Variants in ZKSCAN2 observed in about 807,000 individuals in gnomAD.
ZKSCAN2 encodes zinc finger with KRAB and SCAN domains 2.
A neutral mutation model predicts 90.5 loss-of-function variants in ZKSCAN2; 38 were observed. The observed-to-expected ratio is 0.42, with a 90% CI of 0.32 to 0.55. The LOEUF is 0.55. Among genes scored for constraint, ZKSCAN2 ranks in the 20% least tolerant of loss-of-function variants. The pLI is 0.11. For missense variants in ZKSCAN2, 1,167 were observed against 1,202.6 expected (o/e 0.97, Z 0.44); for synonymous variants, 429 against 421.6 (o/e 1.02, Z -0.22).
Position 25,244,089 on chromosome 16 carries a change from C to G in ZKSCAN2, c.1677G>C (p.Lys559Asn). Residue 559 changes from lysine to asparagine, a missense_variant, in exon 6 of 7, where the codon AAG becomes AAC. Coordinates refer to ENST00000328086, the MANE Select transcript of ZKSCAN2 (RefSeq NM_001012981.5). ...GGCCATTTTTCACCTTGCGGTAACT[C>G]TTCTGAAGGCTTTTGAACTTGGTTC... ...QCRTKFKSLQKSYRKVKNGHV... is the reference protein window; with the variant it reads ...QCRTKFKSLQNSYRKVKNGHV... 6.2e-7 allele frequency: 1 copy of G among 1,614,194 alleles called. No individual in the cohort carries two copies. Among genetic ancestry groups the G allele is most frequent in the Non-Finnish European group, 8.5e-7 (1 of 1,180,032 alleles).
rs563592710 is a variant in ZKSCAN2 at position 25,257,430 on chromosome 16, TG to T, written c.-304del. The T allele has an allele frequency of 1.4e-4, 157 of 1,091,986 alleles. No homozygotes were observed. The African/African-American group carries it at 2.3e-3, about 16-fold the overall frequency. The allele number at this position is 1,091,986 out of a possible 1,614,324, so 67.6% of individuals were successfully genotyped here. ...GTCGGAAACCGGGAGGCTGGACGAC[TG>T]GGAGAAAAATGAAGCAGGCTGAGGA... On this transcript the variant is annotated 5_prime_UTR_variant, in exon 1 of 7. Transcript: ENST00000328086.
chr16:25,253,368 A>G (rs1228938849), intron 2 of ZKSCAN2, among the ~76,000 whole-genome samples: 3 of 151,240 alleles, frequency 2.0e-5, no homozygotes, highest in Non-Finnish European at 4.4e-5. Flanking sequence ...TGGCTGTGGT[A>G]CCTTCCCTCC....
chr16:25,251,791 G>T, intron 4 of ZKSCAN2, 118 bp downstream of exon 4: 1 of 1,252,928 alleles, frequency 8.0e-7, no homozygotes, highest in Non-Finnish European at 1.1e-6. Context: ...GATTACACTA[G>T]ACAATCCTTA....
rs1962949906 is a variant in ZKSCAN2 at position 25,247,340 on chromosome 16, C to T, written c.856G>A (p.Glu286Lys). 4.3e-6 allele frequency: 7 copies of T among 1,612,986 alleles called. No homozygotes were observed. In the South Asian group the frequency reaches 7.7e-5, roughly 18 times the overall value. ...NKITRLEQRK[E>K]PWTLGLHSSN... is the part of the protein sequence containing the mutation. The stretch of plus-strand genomic sequence containing the variant: ...GAATGCAGACCTAGAGTCCATGGCT[C>T]CTTTCTCTGTTCCAACCGGGTTATC... Residue 286 changes from glutamate to lysine, a missense_variant, in exon 5 of 7, where the codon GAG becomes AAG. Physicochemically the swap from Glu to Lys is moderately conservative, Grantham distance 56 (BLOSUM62 1). Coordinates refer to ENST00000328086, the MANE Select transcript of ZKSCAN2 (RefSeq NM_001012981.5).
In ZKSCAN2 at chr16:25,246,816, C is replaced by G; in HGVS notation, c.1380G>C (p.Leu460Phe). ...CTTCTGCAGCTTCCTCCTCCTCCACCAAGCTGATGTGTTCCTTAGCACTGA... is the reference window on the plus strand; with the variant it reads ...CTTCTGCAGCTTCCTCCTCCTCCACGAAGCTGATGTGTTCCTTAGCACTGA... ...IAISAKEHISLVEEEEAAEDS... is the reference protein window; with the variant it reads ...IAISAKEHISFVEEEEAAEDS... Residue 460 changes from leucine to phenylalanine, a missense_variant, in exon 5 of 7, where the codon TTG becomes TTC. Transcript: ENST00000328086. 6.2e-7 allele frequency: 1 copy of G among 1,614,198 alleles called. No individual in the cohort carries two copies. Among genetic ancestry groups the G allele is most frequent in the Non-Finnish European group, 8.5e-7 (1 of 1,180,028 alleles).
intron 4 of ZKSCAN2, among the ~76,000 whole-genome samples, chr16:25,249,001 GA>G (rs1327293485): frequency 6.6e-6 from 1 of 152,170 alleles, no homozygotes; most frequent in Non-Finnish European, 1.5e-5. Flanking sequence ...CGAACATGGA[GA>G]ACATTATGTT....
chr16:25,249,843 C>T (rs1001395685), intron 4 of ZKSCAN2, among the ~76,000 whole-genome samples: 2 of 152,178 alleles, frequency 1.3e-5, no homozygotes, highest in Non-Finnish European at 2.9e-5. Flanking sequence ...ACTTATGGTA[C>T]ATATCCCAAG....
intron 1 of ZKSCAN2, among the ~76,000 whole-genome samples, chr16:25,255,637 A>C (rs1462733398): frequency 6.6e-6 from 1 of 152,166 alleles, no homozygotes; most frequent in East Asian, 1.9e-4. Flanking sequence ...GCTGGAGTGC[A>C]ATGGCACGAT....
chr16:25,240,129 C>T lies in ZKSCAN2; in HGVS notation c.2591G>A (p.Cys864Tyr), dbSNP rs1214402397. Residue 864 changes from cysteine to tyrosine, a missense_variant, in exon 7 of 7, where the codon TGT (cysteine) becomes TAT (tyrosine). Transcript: ENST00000328086. ...AGAACTGTTGGTGAAACTTTTCCCA[C>T]ACTCTCCACACTGATAGGGCTTCTC... ...TGEKPYQCGECGKSFTNSSHF... is the reference protein window; with the variant it reads ...TGEKPYQCGEYGKSFTNSSHF... 1.2e-6 allele frequency: 2 copies of T among 1,613,850 alleles called. No individual in the cohort carries two copies. Among genetic ancestry groups the T allele is most frequent in the Admixed American group, 1.7e-5 (1 of 59,990 alleles).
rs138363498 is a variant in ZKSCAN2 at position 25,243,998 on chromosome 16, G to A, written c.1768C>T (p.Pro590Ser). The A allele has an allele frequency of 9.0e-5, 146 of 1,614,148 alleles. No individual in the cohort carries two copies. In the African/African-American group the frequency reaches 1.7e-3, roughly 19 times the overall value. ...DALINSRASA[P>S]SPSTPEEVPS... ...ACTTCCTCTGGGGTGCTGGGGGAAG[G>A]AGCAGATGCCCGAGAGTTAATCAGG... The change falls in exon 6 of 7, where the codon CCT (proline) becomes TCT (serine). Residue 590 changes from proline (P) to serine (S), a missense_variant. Pro to Ser is a moderately conservative substitution (Grantham distance 74). Coordinates refer to ENST00000328086, the MANE Select transcript of ZKSCAN2 (RefSeq NM_001012981.5).
chr16:25,256,315 C>A (rs905791521), intron 1 of ZKSCAN2, among the ~76,000 whole-genome samples: 1 of 149,562 alleles, frequency 6.7e-6, no homozygotes, highest in Non-Finnish European at 1.5e-5. Context: ...CGCTTGGAGA[C>A]GGCTCTGGGA....
rs1345142524 is a variant in ZKSCAN2 at position 25,240,542 on chromosome 16, C to T, written c.2178G>A (p.Met726Ile). 3 of 1,614,222 alleles carry T rather than the reference C, an allele frequency of 1.9e-6. No individual in the cohort carries two copies. The highest frequency in any genetic ancestry group is 2.5e-6 in the Non-Finnish European group (3 of 1,180,044). ...NLQGIRQGKP[M>I]SQPRDLGKAV... ...CTTTCCCTAAATCTCTAGGCTGAGA[C>T]ATCGGCTTTCCCTGTCTAATTCCTT... Residue 726 changes from methionine (M) to isoleucine (I), a missense_variant, in exon 7 of 7, where the codon ATG becomes ATA. Met to Ile is a conservative substitution (Grantham distance 10). Transcript: ENST00000328086.
Position 25,257,541 on chromosome 16 carries a change from T to G in ZKSCAN2, c.-414A>C. 1 of 985,684 alleles carries G rather than the reference T, an allele frequency of 1.0e-6. No individual in the cohort carries two copies. The allele number at this position is 985,684 out of a possible 1,614,324, so 61.1% of individuals were successfully genotyped here. The stretch of plus-strand genomic sequence containing the variant: ...GGGCGCGGAGAGGCGAGTCCCCGAG[T>G]GGGTGGGGCCGGATGTGCAGGCCCC... On this transcript the variant is annotated 5_prime_UTR_variant, in exon 1 of 7. Coordinates refer to ENST00000328086, the MANE Select transcript of ZKSCAN2 (RefSeq NM_001012981.5).
At chr16:25,242,006 A>C (rs1313367128) in intron 6 of ZKSCAN2, among the ~76,000 whole-genome samples, 1 of 152,148 alleles carries the variant, frequency 6.6e-6, no homozygotes, top group Non-Finnish European at 1.5e-5. Flanking sequence ...AGTTGCTGGG[A>C]TTACAGGTGC....
chr16:25,253,166 T>G, intron 2 of ZKSCAN2, 129 bp from the exon 3 acceptor site: 1 of 755,064 alleles, frequency 1.3e-6, no homozygotes, highest in Non-Finnish European at 2.3e-6. Flanking sequence ...ATCTGTGAGT[T>G]CAGAACAATC....
intron 4 of ZKSCAN2, among the ~76,000 whole-genome samples, chr16:25,247,987 A>C (rs1962961071): frequency 6.6e-6 from 1 of 152,192 alleles, no homozygotes; most frequent in Middle Eastern, 3.2e-3. Context: ...TGCCAAGAAC[A>C]CATCACTGGG....
At chr16:25,247,535 C>T (rs1227817598) in intron 4 of ZKSCAN2, 145 bp from the exon 5 acceptor site, 3 of 639,086 alleles carry the variant, frequency 4.7e-6, no homozygotes, top group Middle Eastern at 4.3e-4. Flanking sequence ...TTTTACATGA[C>T]TTCCTTGGTA....
rs1047096203 is a variant in ZKSCAN2, at chr16:25,239,226, A to C, written c.*590T>G. The C allele has an allele frequency of 2.4e-4, 36 of 151,686 alleles. No individual in the cohort carries two copies. The highest frequency in any genetic ancestry group is 8.0e-4 in the African/African-American group (33 of 41,036). 9.4% of individuals were successfully genotyped at this position (151,686 alleles called of 1,614,324 possible). On this transcript the variant is annotated 3_prime_UTR_variant, in exon 7 of 7. Coordinates refer to ENST00000328086, the MANE Select transcript of ZKSCAN2 (RefSeq NM_001012981.5). ...AGTAACAGGATTTCAGTGACAATACAGGGATTCTGCCCTAGCTATTTGGAT... is the reference window on the plus strand; with the variant it reads ...AGTAACAGGATTTCAGTGACAATACCGGGATTCTGCCCTAGCTATTTGGAT...
At position 25,247,180 on chromosome 16, in the gene ZKSCAN2, G is replaced by A. The variant is rs1962946564; in HGVS notation, c.1016C>T (p.Ala339Val). ...QQWGLEDEKI[A>V]GVHWSYEETK... ...TTCCTCATAGCTCCAATGCACACCT[G>A]CTATCTTTTCATCTTCTAAACCCCA... The change falls in exon 5 of 7, where the codon GCA (alanine) becomes GTA (valine). Residue 339 changes from alanine (A) to valine (V), a missense_variant. Transcript: ENST00000328086. 1 of 1,614,164 alleles carries A rather than the reference G, an allele frequency of 6.2e-7. No homozygotes were observed. The highest frequency in any genetic ancestry group is 8.5e-7 in the Non-Finnish European group (1 of 1,180,028).
Sources: allele counts gnomAD v4.1 joint callset (sites outside exome capture counted in the v4.1 genomes callset), GRCh38; gene constraint gnomAD v4.1.1; transcripts MANE v1.5; gene names NCBI Gene and HGNC (gene_info 2026-07-23, HGNC 2026-07-21).